The following MED13L variants were observed in gnomAD, a reference collection of about 807,000 sequenced individuals.
MED13L encodes the protein mediator of RNA polymerase II transcription subunit 13-like.
A neutral mutation model predicts 220.9 loss-of-function variants in MED13L; 7 were observed. That is an observed-to-expected ratio of 0.03 (90% CI 0.02 to 0.06). MED13L has a LOEUF of 0.06. MED13L is among the 10% of genes least tolerant of loss of function. The pLI is 1.00. For synonymous variants in MED13L, 1,011 were observed against 1,015.2 expected, an observed-to-expected ratio of 1.00 and a Z score of 0.08; for missense variants, 1,965 against 2,760.5, an observed-to-expected ratio of 0.71 and a Z score of 6.46.
intron 25 of MED13L, among the ~76,000 whole-genome samples, chr12:115,973,322 T>C (rs1876715240): frequency 6.6e-6 from 1 of 152,112 alleles, no homozygotes; most frequent in Admixed American, 6.6e-5. Context: ...CACTGTCCCA[T>C]GGAGATGCAA....
In MED13L at chr12:115,966,236, C is replaced by G. The variant is rs965077828; in HGVS notation, c.6233G>C (p.Gly2078Ala). 1 of 1,613,990 alleles carries G rather than the reference C, an allele frequency of 6.2e-7. No homozygotes were observed. Residue 2078 changes from glycine (G) to alanine (A), a missense_variant, in exon 29 of 31, where the codon GGT (glycine) becomes GCT (alanine). Transcript: ENST00000281928. Reference protein sequence around the residue: ...GSHFQHSRSQGERLLSREAPE... With the variant: ...GSHFQHSRSQAERLLSREAPE... ...TGCTTCTCTAGAAAGAAGACGCTCACCCTGGCTCTGAAAAACAAAAATCCC... is the reference window on the plus strand; with the variant it reads ...TGCTTCTCTAGAAAGAAGACGCTCAGCCTGGCTCTGAAAAACAAAAATCCC...
Position 116,055,055 on chromosome 12 carries a change from TAA to T in MED13L, c.480-32456_480-32455del, listed in dbSNP as rs1398549507. Among the ~76,000 whole-genome samples, 4 of 152,138 alleles carry T rather than the reference TAA, an allele frequency of 2.6e-5. No individual in the cohort carries two copies. In the East Asian group the frequency reaches 7.7e-4, roughly 29 times the overall value. On this transcript the variant is annotated intron_variant, in intron 4 of 30. Transcript: ENST00000281928. ...TTCAGAAATTTAACACTGAGAGAAA[TAA>T]GATACAAAACTCAGCATAAAGTATA...
At chr12:116,119,838 A>AATATATATATATAT (rs1555213243) in intron 2 of MED13L, among the ~76,000 whole-genome samples, 19 of 31,588 alleles carry the variant, frequency 6.0e-4, no homozygotes, top group South Asian at 2.3e-3. Flanking sequence ...AAAAAAAAAA[A>AATATATATATATAT]ATATATATAT....
chr12:116,151,373 T>C (rs1878024495), intron 2 of MED13L, among the ~76,000 whole-genome samples: 5 of 152,174 alleles, frequency 3.3e-5, no homozygotes, highest in Non-Finnish European at 5.9e-5. Context: ...TACCTTCAAA[T>C]TGCCTCCTCA....
chr12:116,198,784 C>G (rs1242620449), intron 2 of MED13L, among the ~76,000 whole-genome samples: 2 of 152,092 alleles, frequency 1.3e-5, no homozygotes, highest in Admixed American at 1.3e-4. Flanking sequence ...AGTAAGCATG[C>G]AAAACCTATT....
rs535373992 is a variant in MED13L at position 116,150,202 on chromosome 12, G to A, written c.311-38690C>T. On this transcript the variant is annotated intron_variant, in intron 2 of 30. Transcript: ENST00000281928. ...TGGCCCTAAGCCAAATCTCTTTTCT[G>A]GCTGACCATGCAGGCTGTGTCACTG... Among the ~76,000 whole-genome samples the A allele has an allele frequency of 3.9e-5, 6 of 152,298 alleles. No individual in the cohort carries two copies. The South Asian group carries it at 1.2e-3, about 32-fold the overall frequency.
intron 17 of MED13L, 105 bp downstream of exon 17, chr12:115,990,915 A>T: frequency 8.1e-7 from 1 of 1,240,536 alleles, no homozygotes; most frequent in Non-Finnish European, 1.1e-6. Flanking sequence ...TTTCCCCCGA[A>T]AGACATGAAA....
intron 2 of MED13L, among the ~76,000 whole-genome samples, chr12:116,236,647 C>G (rs763780586): frequency 1.8e-4 from 28 of 152,028 alleles, no homozygotes; most frequent in Admixed American, 9.8e-4. Flanking sequence ...AGTTAATACC[C>G]TAACTAAAGA....
At position 115,997,524 on chromosome 12, in the gene MED13L, C is replaced by T. The variant is rs532116956; in HGVS notation, c.2570-294G>A. Among the ~76,000 whole-genome samples, 5 of 152,254 alleles carry T rather than the reference C, an allele frequency of 3.3e-5. No homozygotes were observed. The South Asian group carries it at 8.3e-4, about 25-fold the overall frequency. On this transcript the variant is annotated intron_variant, in intron 14 of 30. Transcript: ENST00000281928. ...GTAACCTCTGCCTTCCTCGTTCAAG[C>T]AATTCTTGTGCCTCAGCCTCCCAAG...
chr12:116,237,083 C>T (rs1327963701), intron 2 of MED13L, among the ~76,000 whole-genome samples: 3 of 152,182 alleles, frequency 2.0e-5, no homozygotes, highest in Admixed American at 6.5e-5. Context: ...GTTCAGCTGG[C>T]AGTGAACCAT....
intron 2 of MED13L, among the ~76,000 whole-genome samples, chr12:116,209,737 G>A (rs1459920054): frequency 6.6e-6 from 1 of 152,094 alleles, no homozygotes; most frequent in East Asian, 1.9e-4. Context: ...AGAAATACTT[G>A]GAAGTCCCAA....
At chr12:116,015,415 C>T in intron 7 of MED13L, 141 bp from the exon 8 acceptor site, 1 of 857,618 alleles carries the variant, frequency 1.2e-6, no homozygotes, top group East Asian at 2.6e-5. Context: ...CTGGCAATAA[C>T]ACTATCTATA....
chr12:116,222,487 T>C (rs922802080), intron 2 of MED13L, among the ~76,000 whole-genome samples: 3 of 152,218 alleles, frequency 2.0e-5, no homozygotes, highest in South Asian at 4.1e-4. Context: ...ACCTATGCTG[T>C]AATGCCAGCT....
intron 2 of MED13L, among the ~76,000 whole-genome samples, chr12:116,161,909 T>A (rs560129398): frequency 3.3e-5 from 5 of 152,212 alleles, no homozygotes; most frequent in South Asian, 2.1e-4. Flanking sequence ...TATCTTTTTT[T>A]AAAAAAAGAA....
chr12:116,258,825 T>C (rs898064841), intron 1 of MED13L, among the ~76,000 whole-genome samples: 1 of 113,422 alleles, frequency 8.8e-6, no homozygotes, highest in Non-Finnish European at 1.9e-5. Context: ...ACTTGAAAAA[T>C]AAACTCACAG....
rs781607336 is a variant in MED13L at position 116,096,675 on chromosome 12, T to C, written c.473A>G (p.Asn158Ser). ...GAGCATTCTAAAGGCTCACCTTTTGTTGACTGGCTTTTCATCCTTTTCGTA... is the reference window on the plus strand; with the variant it reads ...GAGCATTCTAAAGGCTCACCTTTTGCTGACTGGCTTTTCATCCTTTTCGTA... ...RPYEKDEKPV[N>S]KSEHLSCAFT... Residue 158 changes from asparagine to serine, a missense_variant, in exon 4 of 31, where the codon AAC becomes AGC. This residue lies in a region of MED13L where 818 missense variants were observed against 1,041.2 expected (regional missense o/e 0.79). Coordinates refer to ENST00000281928, the MANE Select transcript of MED13L (RefSeq NM_015335.5). 14 of 1,613,984 alleles carry C rather than the reference T, an allele frequency of 8.7e-6. No homozygotes were observed. The highest frequency in any genetic ancestry group is 1.7e-5 in the Admixed American group (1 of 60,006).
chr12:116,201,513 C>G (rs894829005), intron 2 of MED13L, among the ~76,000 whole-genome samples: 1 of 151,870 alleles, frequency 6.6e-6, no homozygotes, highest in African/African-American at 2.4e-5. Context: ...TCCAAATATT[C>G]AACAAATCTA....
intron 4 of MED13L, among the ~76,000 whole-genome samples, chr12:116,045,188 T>C (rs913311556): frequency 2.6e-5 from 4 of 152,214 alleles, no homozygotes; most frequent in Non-Finnish European, 5.9e-5. Context: ...GGATTCAGTA[T>C]AGAATAATGT....
chr12:116,027,047 A>C (rs1592961276), intron 4 of MED13L, among the ~76,000 whole-genome samples: 1 of 151,770 alleles, frequency 6.6e-6, no homozygotes, highest in Non-Finnish European at 1.5e-5. Flanking sequence ...TAAAATGTGA[A>C]AGTGGGGAGA....
Sources: gnomAD v4.1 joint callset for allele counts (sites outside exome capture counted in the v4.1 genomes callset) on GRCh38, gnomAD v4.1.1 for gene constraint, gnomAD v4.1.1 regional missense constraint, MANE v1.5 for transcripts, NCBI Gene and HGNC (gene_info 2026-07-23, HGNC 2026-07-21) for gene names.